The following CDH13 variants were observed in gnomAD, a reference collection of about 807,000 sequenced individuals.
The protein encoded by CDH13 is cadherin-13.
In CDH13, 24 loss-of-function variants were observed where a neutral mutation model predicts 63.8. The ratio of observed to expected loss-of-function variants is 0.38; its 90% confidence interval spans 0.27 to 0.53. The LOEUF (loss-of-function observed/expected upper bound fraction) is 0.53, where lower values mean the gene tolerates loss of function less well. CDH13 is among the 20% of genes least tolerant of loss of function. The pLI is 0.85. For synonymous variants in CDH13, 503 were observed against 355.3 expected (o/e 1.42, Z -4.67); for missense variants, 1,049 against 903.1 (o/e 1.16, Z -2.07).
chr16:83,669,146 C>T (rs755684479), intron 8 of CDH13, among the ~76,000 whole-genome samples: 3 of 152,166 alleles, frequency 2.0e-5, no homozygotes, highest in Non-Finnish European at 4.4e-5. Flanking sequence ...ATGCCTGATT[C>T]TGCCACTTGA....
intron 2 of CDH13, among the ~76,000 whole-genome samples, chr16:82,866,866 A>G (rs2040167421): frequency 6.6e-6 from 1 of 152,130 alleles, no homozygotes; most frequent in Admixed American, 6.5e-5. Flanking sequence ...AGCAGCATAG[A>G]GGAAACCACC....
intron 2 of CDH13, among the ~76,000 whole-genome samples, chr16:82,971,923 G>A (rs1204749321): frequency 1.3e-5 from 2 of 152,188 alleles, no homozygotes; most frequent in Non-Finnish European, 2.9e-5. Flanking sequence ...GCTCAGAGGA[G>A]GATGACCTGT....
In CDH13 at chr16:83,780,885, C is replaced by T. The variant is rs534262020; in HGVS notation, c.1915+684C>T. Among the ~76,000 whole-genome samples the T allele has an allele frequency of 7.2e-5, 11 of 152,310 alleles. 1 individual carries two copies. In the South Asian group the frequency reaches 2.3e-3, roughly 32 times the overall value. ...AGAGAACTGTGTTAACATTAACTTT[C>T]ACCAGCGCATTGGAGAGGCTTTTCG... On this transcript the variant is annotated intron_variant, in intron 12 of 13. Transcript: ENST00000567109.
chr16:83,131,528 A>G (rs2036052803), intron 4 of CDH13, among the ~76,000 whole-genome samples: 1 of 152,128 alleles, frequency 6.6e-6, no homozygotes, highest in Non-Finnish European at 1.5e-5. Context: ...TCTCAGTTTT[A>G]CCAACTTTCA....
chr16:83,067,610 T>G (rs1213271890), intron 3 of CDH13, among the ~76,000 whole-genome samples: 1 of 152,184 alleles, frequency 6.6e-6, no homozygotes. Context: ...AATATTTAAC[T>G]TTAGGGATAA....
chr16:82,781,920 CTAAAG>C (rs2035773196), intron 1 of CDH13, among the ~76,000 whole-genome samples: 2 of 152,130 alleles, frequency 1.3e-5, no homozygotes, highest in Non-Finnish European at 2.9e-5. Flanking sequence ...TGTGGGAACT[CTAAAG>C]AAAGAATGGT....
chr16:83,319,993 G>T (rs2090186467), intron 5 of CDH13, among the ~76,000 whole-genome samples: 1 of 152,194 alleles, frequency 6.6e-6, no homozygotes, highest in Non-Finnish European at 1.5e-5. Context: ...TTATTCTGCA[G>T]CACGTGACAC....
chr16:82,878,038 A>C (rs952939505), intron 2 of CDH13, among the ~76,000 whole-genome samples: 1 of 152,060 alleles, frequency 6.6e-6, no homozygotes. Context: ...ATATAGTAAA[A>C]TGTTTGAAAA....
At chr16:83,478,159 C>CAAAAA (rs1215717989) in intron 6 of CDH13, among the ~76,000 whole-genome samples, 74 of 134,318 alleles carry the variant, frequency 5.5e-4, no homozygotes, top group African/African-American at 1.7e-3. Flanking sequence ...GACTCCGTCT[C>CAAAAA]AAAAAAAAAA....
At chr16:83,628,532 G>A (rs191563474) in intron 8 of CDH13, among the ~76,000 whole-genome samples, 105 of 152,136 alleles carry the variant, frequency 6.9e-4, no homozygotes, top group African/African-American at 2.5e-3. Context: ...CTGGGAGGAA[G>A]TGTCGTACAT....
At chr16:83,225,916 A>C (rs915568276) in intron 5 of CDH13, among the ~76,000 whole-genome samples, 1 of 152,200 alleles carries the variant, frequency 6.6e-6, no homozygotes, top group Non-Finnish European at 1.5e-5. Context: ...AAGCGAGACA[A>C]TGCAGGGGTT....
At position 82,899,000 on chromosome 16, in the gene CDH13, G is replaced by A. The variant is rs574077896; in HGVS notation, c.157+40527G>A. On this transcript the variant is annotated intron_variant, in intron 2 of 13. Transcript: ENST00000567109. Reference sequence around the variant, plus strand: ...CTGCAGCTGAGGTAATTCCCAAGAGGACCAGCATTCAGACTGTCCCCCAAG... The same window carrying A: ...CTGCAGCTGAGGTAATTCCCAAGAGAACCAGCATTCAGACTGTCCCCCAAG... Among the ~76,000 whole-genome samples the A allele has an allele frequency of 5.1e-4, 78 of 152,308 alleles. 1 individual carries two copies. The Middle Eastern group carries it at 0.014, about 27-fold the overall frequency.
At chr16:83,131,735 C>T (rs1310809681) in intron 4 of CDH13, among the ~76,000 whole-genome samples, 1 of 152,162 alleles carries the variant, frequency 6.6e-6, no homozygotes, top group Non-Finnish European at 1.5e-5. Context: ...AAACCCTTTT[C>T]ATCAAAACCA....
chr16:83,617,454 G>A (rs1030398278), intron 8 of CDH13, among the ~76,000 whole-genome samples: 2 of 151,410 alleles, frequency 1.3e-5, no homozygotes, highest in South Asian at 4.2e-4. Flanking sequence ...ATCCTAATAA[G>A]CACATTTTCT....
At position 83,131,182 on chromosome 16, in the gene CDH13, A is replaced by ACCCCCCCCCCCCC. The variant is rs1173636265; in HGVS notation, c.483+5688_483+5700dup. ...GGTGGGGAGTATAAGGGGGTGTATG[A>ACCCCCCCCCCCCC]CCCCCCCCCCCCCCCCCCCGCCCAC... On this transcript the variant is annotated intron_variant, in intron 4 of 13. Transcript: ENST00000567109. Among the ~76,000 whole-genome samples, 24 of 86,348 alleles carry ACCCCCCCCCCCCC rather than the reference A, an allele frequency of 2.8e-4. 3 individuals carry two copies. Among genetic ancestry groups the ACCCCCCCCCCCCC allele is most frequent in the East Asian group, 1.2e-3 (3 of 2,436 alleles). The allele number at this position is 86,348 out of a possible 152,430, so 56.6% of individuals were successfully genotyped here. A position where few individuals can be genotyped will look rare whatever the true frequency, so the allele number is the denominator to read the frequency against.
chr16:83,338,203 A>AC (rs58681128), intron 5 of CDH13, among the ~76,000 whole-genome samples: 2 of 151,228 alleles, frequency 1.3e-5, no homozygotes, highest in African/African-American at 4.9e-5. Flanking sequence ...AAAAAAAAAA[A>AC]CAAGTAATCA....
At chr16:82,794,154 T>A (rs1055130886) in intron 1 of CDH13, among the ~76,000 whole-genome samples, 51 of 151,746 alleles carry the variant, frequency 3.4e-4, no homozygotes, top group African/African-American at 1.2e-3. Context: ...GGTTATGAAA[T>A]TTTTTTGCAA....
chr16:83,455,997 C>A (rs1184136452), intron 6 of CDH13, among the ~76,000 whole-genome samples: 1 of 152,230 alleles, frequency 6.6e-6, no homozygotes, highest in Non-Finnish European at 1.5e-5. Context: ...AGGAGGCTCC[C>A]ACTGCTGTTA....
At chr16:83,274,243 C>G (rs2088914596) in intron 5 of CDH13, among the ~76,000 whole-genome samples, 1 of 152,214 alleles carries the variant, frequency 6.6e-6, no homozygotes, top group Non-Finnish European at 1.5e-5. Flanking sequence ...TAGGGAAAGG[C>G]TGGTTTCAGC....
Sources: gnomAD v4.1 joint callset for allele counts (sites outside exome capture counted in the v4.1 genomes callset) on GRCh38, gnomAD v4.1.1 for gene constraint, MANE v1.5 for transcripts, NCBI Gene and HGNC (gene_info 2026-07-23, HGNC 2026-07-21) for gene names.